Variants in ZNF208 observed in about 807,000 individuals in gnomAD.
The protein encoded by ZNF208 is zinc finger protein 208.
In ZNF208, 10 loss-of-function variants were observed where a neutral mutation model predicts 12.1. The ratio of observed to expected loss-of-function variants is 0.83; its 90% CI spans 0.51 to 1.40. The LOEUF (loss-of-function observed/expected upper bound fraction) is 1.40, where lower values mean the gene tolerates loss of function less well. ZNF208 is among the 40% of genes most tolerant of loss of function. The pLI, the probability that ZNF208 is intolerant of heterozygous loss-of-function variation, is 0.00. For missense variants in ZNF208, 1,652 were observed against 1,485.0 expected, an observed-to-expected ratio of 1.11 and a Z score of -1.85; for synonymous variants, 497 against 488.4, an observed-to-expected ratio of 1.02 and a Z score of -0.23.
chr19:21,952,448 C>T (rs1333683983), intron 4 of ZNF208, among the ~76,000 whole-genome samples: 1 of 152,178 alleles, frequency 6.6e-6, no homozygotes, highest in Non-Finnish European at 1.5e-5. Context: ...GACAAACCTT[C>T]CAGAGGAAGG....
Position 21,987,328 on chromosome 19 carries a change from G to T in ZNF208, c.131-17C>A, listed in dbSNP as rs377380486. The T allele has an allele frequency of 6.3e-7, 1 of 1,599,042 alleles. No homozygotes were observed. Among genetic ancestry groups the T allele is most frequent in the Non-Finnish European group, 8.5e-7 (1 of 1,173,622 alleles). On this transcript the variant is annotated splice_polypyrimidine_tract_variant and intron_variant, in intron 2 of 3. Coordinates refer to ENST00000397126, the MANE Select transcript of ZNF208 (RefSeq NM_007153.3). ...CAGCAATACCTGTTTTATTAAAAAT[G>T]AACAACATGCTTCTTGCTCATATTC... is the stretch of plus-strand genomic sequence containing the variant.
At chr19:22,004,480 T>A (rs1372259043) in intron 1 of ZNF208, among the ~76,000 whole-genome samples, 1 of 152,070 alleles carries the variant, frequency 6.6e-6, no homozygotes, top group Non-Finnish European at 1.5e-5. Context: ...GCCACTGCAC[T>A]CCAGCCTGAG....
At chr19:21,962,976 A>G (rs1270633496), downstream of ZNF208, among the ~76,000 whole-genome samples, 2 of 152,232 alleles carry the variant, frequency 1.3e-5, no homozygotes, top group East Asian at 3.9e-4. Flanking sequence ...ATCTACGGTT[A>G]TAAAACATCA....
chr19:21,995,035 T>C (rs893381364), intron 1 of ZNF208, among the ~76,000 whole-genome samples: 2 of 150,344 alleles, frequency 1.3e-5, no homozygotes, highest in African/African-American at 2.5e-5. Context: ...CACTGCAGCC[T>C]CCTCCTCCCA....
At chr19:21,955,835 C>G (rs148942180) in intron 4 of ZNF208, among the ~76,000 whole-genome samples, 1 of 152,356 alleles carries the variant, frequency 6.6e-6, no homozygotes, top group Admixed American at 6.5e-5. Context: ...CTTCTCTCAA[C>G]TCGTCAAAGT....
In ZNF208 at chr19:21,972,908, A is replaced by G; in HGVS notation, c.2126T>C (p.Met709Thr). The G allele has an allele frequency of 6.2e-7, 1 of 1,611,912 alleles. No homozygotes were observed. Among genetic ancestry groups the G allele is most frequent in the Non-Finnish European group, 8.5e-7 (1 of 1,179,298 alleles). Residue 709 changes from methionine to threonine, a missense_variant, in exon 4 of 4, where the codon ATG (methionine) becomes ACG (threonine). Around this residue, in one of 3 missense-constraint regions of ZNF208, gnomAD observed 1,239 missense variants for 1,086.2 expected, o/e 1.14. Transcript: ENST00000397126. Reference sequence around the variant, plus strand: ...TCCAGTATGAATTCTCTTATGTTCCATAAGGTTTGAGGACCAGTTGAAAGC... The same window carrying G: ...TCCAGTATGAATTCTCTTATGTTCCGTAAGGTTTGAGGACCAGTTGAAAGC... ...GKAFNWSSNL[M>T]EHKRIHTGEK...
intron 1 of ZNF208, among the ~76,000 whole-genome samples, chr19:21,995,442 C>T (rs766533170): frequency 2.6e-5 from 4 of 152,166 alleles, no homozygotes; most frequent in Non-Finnish European, 2.9e-5. Flanking sequence ...CACACTGGGA[C>T]AGAAGCAGAA....
rs767124142 is a variant in ZNF208 at position 21,944,994 on chromosome 19, C to A, written c.306-11757G>T. 9.2e-5 allele frequency among the ~76,000 whole-genome samples: 14 copies of A among 152,302 alleles called. No homozygotes were observed. The East Asian group carries it at 2.7e-3, about 29-fold the overall frequency. ...GAGAAACTCCCCTGTAAACAGCATG[C>A]ACATTTTGATTTTACCTTTCCTCAA... On this transcript the variant is annotated intron_variant, in intron 4 of 4. Transcript: ENST00000599916.
At chr19:21,946,327 C>G (rs1969815372) in intron 4 of ZNF208, among the ~76,000 whole-genome samples, 1 of 152,158 alleles carries the variant, frequency 6.6e-6, no homozygotes, top group Non-Finnish European at 1.5e-5. Context: ...CCTGATTGGT[C>G]TCAGGCCAAG....
At chr19:21,964,477 T>C (rs1439884010), downstream of ZNF208, among the ~76,000 whole-genome samples, 2 of 151,670 alleles carry the variant, frequency 1.3e-5, no homozygotes, top group Non-Finnish European at 3.0e-5. Flanking sequence ...TTTTAAACTA[T>C]ACTGAAATTT....
intron 4 of ZNF208, among the ~76,000 whole-genome samples, chr19:21,957,023 T>C (rs766644178): frequency 2.6e-5 from 4 of 152,180 alleles, no homozygotes; most frequent in Non-Finnish European, 5.9e-5. Context: ...TTTGCATCAG[T>C]GAAACAAAAA....
At chr19:21,978,459 C>T (rs1970474622) in intron 3 of ZNF208, among the ~76,000 whole-genome samples, 1 of 152,202 alleles carries the variant, frequency 6.6e-6, no homozygotes, top group Non-Finnish European at 1.5e-5. Context: ...CAGAAAGCTC[C>T]AGCAGATCTG....
rs570200144 is a variant in ZNF208, at chr19:21,996,475, A to G, written c.4-7566T>C. 9.8e-5 allele frequency among the ~76,000 whole-genome samples: 15 copies of G among 152,340 alleles called. No individual in the cohort carries two copies. In the South Asian group the frequency reaches 1.5e-3, roughly 15 times the overall value. On this transcript the variant is annotated intron_variant, in intron 1 of 3. Coordinates refer to ENST00000397126, the MANE Select transcript of ZNF208 (RefSeq NM_007153.3). ...TTCAATAGATAAATATATAGCTGAAAAAAAGGAGAAAAACGTAATTGTGCT... is the reference window on the plus strand; with the variant it reads ...TTCAATAGATAAATATATAGCTGAAGAAAAGGAGAAAAACGTAATTGTGCT...
intron 1 of ZNF208, among the ~76,000 whole-genome samples, 166 bp from the exon 2 acceptor site, chr19:21,989,075 TCTC>T (rs1301476996): frequency 1.8e-4 from 27 of 146,786 alleles, no homozygotes; most frequent in African/African-American, 4.0e-4. Flanking sequence ...ACATATTCTC[TCTC>T]TTTTTTCTTT....
chr19:21,976,881 C>G (rs1292137718), intron 3 of ZNF208, among the ~76,000 whole-genome samples: 1 of 152,162 alleles, frequency 6.6e-6, no homozygotes, highest in African/African-American at 2.4e-5. Flanking sequence ...TTTTAAATAT[C>G]AAGATCCAAC....
intron 4 of ZNF208, among the ~76,000 whole-genome samples, chr19:21,959,254 A>T (rs1253674932): frequency 1.3e-5 from 2 of 152,212 alleles, no homozygotes; most frequent in Non-Finnish European, 2.9e-5. Context: ...AATACTTCAC[A>T]AAATCATTCT....
rs768710062 is a variant in ZNF208, at chr19:21,972,489, T to A, written c.2545A>T (p.Thr849Ser). The change falls in exon 4 of 4, where the codon ACT becomes TCT. Residue 849 changes from threonine (T) to serine (S), a missense_variant. Thr to Ser is a moderately conservative substitution (Grantham distance 58). Coordinates refer to ENST00000397126, the MANE Select transcript of ZNF208 (RefSeq NM_007153.3). ...GKAFSKFSIL[T>S]KHKVIHTGEK... Reference sequence around the variant, plus strand: ...CCAGTATGAATTACCTTATGTTTAGTAAGGATTGAGAACTTACTAAAGGCT... The same window carrying A: ...CCAGTATGAATTACCTTATGTTTAGAAAGGATTGAGAACTTACTAAAGGCT... The A allele has an allele frequency of 1.2e-5, 20 of 1,613,008 alleles. No homozygotes were observed. The Middle Eastern group carries it at 6.6e-4, about 53-fold the overall frequency.
At chr19:21,980,118 T>C (rs1482057010) in intron 3 of ZNF208, among the ~76,000 whole-genome samples, 2 of 151,446 alleles carry the variant, frequency 1.3e-5, no homozygotes, top group African/African-American at 4.9e-5. Flanking sequence ...ATACCCATAC[T>C]ATAGTAGTGG....
Position 21,997,182 on chromosome 19 carries a change from G to T in ZNF208, c.4-8273C>A, listed in dbSNP as rs531298413. Among the ~76,000 whole-genome samples, 127 of 152,270 alleles carry T rather than the reference G, an allele frequency of 8.3e-4. 2 individuals are homozygous for T. The highest frequency in any genetic ancestry group is 5.8e-3 in the South Asian group (28 of 4,820). ...ATATGACATGCATTATAGTCAATTT[G>T]CTCAAGAGATTGCAAAGACAGAAAG... On this transcript the variant is annotated intron_variant, in intron 1 of 3. Transcript: ENST00000397126.
Sources: gnomAD v4.1 joint callset for allele counts (sites outside exome capture counted in the v4.1 genomes callset) on GRCh38, gnomAD v4.1.1 for gene constraint, gnomAD v4.1.1 regional missense constraint, MANE v1.5 for transcripts, NCBI Gene and HGNC (gene_info 2026-07-23, HGNC 2026-07-21) for gene names.